Variants in GRM5 observed in about 807,000 individuals in gnomAD.
The protein encoded by GRM5 is metabotropic glutamate receptor 5.
A neutral mutation model predicts 83.1 loss-of-function variants in GRM5; 19 were observed. The ratio of observed to expected loss-of-function variants is 0.23; its 90% CI spans 0.16 to 0.34. GRM5 has a LOEUF of 0.34. GRM5 is among the 10% of genes least tolerant of loss of function. The probability of loss-of-function intolerance (pLI) is 1.00; values close to 1 mark genes in which losing one functional copy is unlikely to be tolerated. For missense variants in GRM5, 1,160 were observed against 1,588.3 expected (o/e 0.73, Z 4.58); for synonymous variants, 675 against 633.6 (o/e 1.07, Z -0.98).
intron 9 of GRM5, chr11:88,522,883 G>A (rs1050834243): frequency 3.3e-5 from 5 of 152,060 alleles, no homozygotes; most frequent in Admixed American, 6.5e-5. Context: ...GATATCTTGC[G>A]GTTGTAGAGA....
chr11:88,720,161 C>G (rs12792263), intron 3 of GRM5, among the ~76,000 whole-genome samples: 6 of 152,004 alleles, frequency 3.9e-5, no homozygotes, highest in African/African-American at 1.4e-4. Flanking sequence ...ATCCATGTCA[C>G]GTACAAAATC....
At chr11:88,868,334 T>C (rs1944705989) in intron 2 of GRM5, among the ~76,000 whole-genome samples, 1 of 151,858 alleles carries the variant, frequency 6.6e-6, no homozygotes, top group East Asian at 1.9e-4. Flanking sequence ...ATCTACTAGT[T>C]TGGATGTTTG....
chr11:88,900,336 A>T (rs1945295504), intron 2 of GRM5, among the ~76,000 whole-genome samples: 2 of 152,166 alleles, frequency 1.3e-5, no homozygotes, highest in Non-Finnish European at 1.5e-5. Flanking sequence ...CAAGCCACAA[A>T]TGTGAAATCA....
chr11:89,060,855 G>T (rs1045077475), intron 1 of GRM5, among the ~76,000 whole-genome samples: 3 of 151,978 alleles, frequency 2.0e-5, no homozygotes, highest in Non-Finnish European at 4.4e-5. Context: ...CTTTTCTTGG[G>T]TTATATAAAT....
In GRM5 at chr11:88,549,493, C is replaced by T. The variant is rs75112223; in HGVS notation, c.2630+17560G>A. ...ACGAAACAAACCAAACCCCAACCCC[C>T]CAGAGAACAAACAACAACAACAAAA... On this transcript the variant is annotated intron_variant, in intron 8 of 9. Transcript: ENST00000305447. Among the ~76,000 whole-genome samples, 1,002 of 151,600 alleles carry T rather than the reference C, an allele frequency of 6.6e-3. 8 individuals are homozygous for T. The highest frequency in any genetic ancestry group is 0.023 in the African/African-American group (945 of 41,402).
chr11:88,648,942 G>A (rs1565170844), intron 4 of GRM5, among the ~76,000 whole-genome samples: 1 of 150,796 alleles, frequency 6.6e-6, no homozygotes, highest in African/African-American at 2.4e-5. Context: ...TTAAACTGAT[G>A]CAATTCTTTA....
chr11:88,976,247 T>C (rs1939330628), intron 2 of GRM5, among the ~76,000 whole-genome samples: 1 of 152,200 alleles, frequency 6.6e-6, no homozygotes, highest in African/African-American at 2.4e-5. Flanking sequence ...AATGAATATT[T>C]AAAAACTGAT....
intron 2 of GRM5, among the ~76,000 whole-genome samples, chr11:88,887,302 C>A (rs2135580372): frequency 6.6e-6 from 1 of 152,296 alleles, no homozygotes; most frequent in African/African-American, 2.4e-5. Flanking sequence ...TGGAAGTTAA[C>A]CAGAACCATT....
intron 3 of GRM5, among the ~76,000 whole-genome samples, chr11:88,698,329 G>A (rs930011777): frequency 2.6e-5 from 4 of 152,112 alleles, no homozygotes; most frequent in African/African-American, 7.2e-5. Context: ...TGTGTGTCAT[G>A]TCCTCTTCTA....
intron 3 of GRM5, among the ~76,000 whole-genome samples, chr11:88,674,932 G>A (rs1294505682): frequency 6.6e-6 from 1 of 151,864 alleles, no homozygotes; most frequent in East Asian, 1.9e-4. Flanking sequence ...CCTTTATCCT[G>A]TAATTTCTCA....
At chr11:88,989,944 T>G (rs928140614) in intron 2 of GRM5, among the ~76,000 whole-genome samples, 2 of 150,890 alleles carry the variant, frequency 1.3e-5, no homozygotes, top group Non-Finnish European at 3.0e-5. Context: ...ACATCACAAT[T>G]AAAAGAACTA....
chr11:88,567,035 A>AG lies in GRM5; in HGVS notation c.2630+17dup, dbSNP rs1433667934. 2.0e-6 allele frequency: 3 copies of AG among 1,509,484 alleles called. No homozygotes were observed. The South Asian group carries it at 3.6e-5, about 18-fold the overall frequency. The allele number at this position is 1,509,484 out of a possible 1,614,324, so 93.5% of individuals were successfully genotyped here. Reference sequence around the variant, plus strand: ...AGTTTTAGGGGCCAGCATCCCTGTAAGCCCCCACAACTTTTACCTTAAGGT... The same window carrying AG: ...AGTTTTAGGGGCCAGCATCCCTGTAAGGCCCCCACAACTTTTACCTTAAGGT... On this transcript the variant is annotated intron_variant, in intron 8 of 9. Transcript: ENST00000305447. The surrounding 1 kb of genome is among the most constrained non-coding windows in gnomAD (Gnocchi z 7.3).
At chr11:88,626,526 T>C (rs1160391501) in intron 4 of GRM5, among the ~76,000 whole-genome samples, 1 of 152,186 alleles carries the variant, frequency 6.6e-6, no homozygotes, top group African/African-American at 2.4e-5. Flanking sequence ...TCGGAAGTGT[T>C]GTGATTCTTG....
intron 2 of GRM5, among the ~76,000 whole-genome samples, chr11:88,983,263 C>T (rs1408479893): frequency 6.6e-6 from 1 of 152,178 alleles, no homozygotes; most frequent in Non-Finnish European, 1.5e-5. Context: ...TCTCTTACTA[C>T]TTTACATTCA....
At position 88,508,887 on chromosome 11, in the gene GRM5, A is replaced by T. The variant is rs756138872; in HGVS notation, c.3344T>A (p.Ile1115Asn). 6.3e-7 allele frequency: 1 copy of T among 1,593,986 alleles called. No individual in the cohort carries two copies. Among genetic ancestry groups the T allele is most frequent in the Non-Finnish European group, 8.5e-7 (1 of 1,171,564 alleles). ...GACTTCGATGGCCGGCAGAGGCTGG[A>T]TTTCGGCAAAGGTCGTCATGGTCGT... ...LPTTMTTFAE[I>N]QPLPAIEVTG... The change falls in exon 10 of 10, where the codon ATC becomes AAC. Residue 1115 changes from isoleucine to asparagine, a missense_variant. Ile to Asn is a moderately radical substitution (Grantham distance 149). Transcript: ENST00000305447. This position sits in a 1 kb window ranked among gnomAD's most constrained non-coding sequence, Gnocchi z 4.2.
At chr11:88,912,513 G>A (rs1467221242) in intron 2 of GRM5, among the ~76,000 whole-genome samples, 1 of 131,982 alleles carries the variant, frequency 7.6e-6, no homozygotes, top group Non-Finnish European at 1.6e-5. Context: ...TATATACTGT[G>A]TATGTATATG....
chr11:88,768,894 C>T (rs749829867), intron 3 of GRM5, among the ~76,000 whole-genome samples: 1 of 152,050 alleles, frequency 6.6e-6, no homozygotes. Context: ...GACACCTTCA[C>T]TTTATACACT....
chr11:89,017,689 C>G (rs1940892936), intron 2 of GRM5, among the ~76,000 whole-genome samples: 1 of 152,148 alleles, frequency 6.6e-6, no homozygotes, highest in African/African-American at 2.4e-5. Flanking sequence ...AAGCTTGAAC[C>G]CTTTAACACA....
chr11:88,863,233 C>T (rs866806770), intron 2 of GRM5, among the ~76,000 whole-genome samples: 11 of 152,052 alleles, frequency 7.2e-5, no homozygotes, highest in African/African-American at 2.4e-4. Flanking sequence ...GTCGAAATGT[C>T]ATTTGACCCA....
Sources: gnomAD v4.1 joint callset for allele counts (sites outside exome capture counted in the v4.1 genomes callset) on GRCh38, gnomAD v4.1.1 for gene constraint, Gnocchi (gnomAD v3.1) non-coding constraint, MANE v1.5 for transcripts, NCBI Gene and HGNC (gene_info 2026-07-23, HGNC 2026-07-21) for gene names.